The following LUZP2 variants were observed in gnomAD, a reference collection of about 807,000 sequenced individuals.
LUZP2 encodes the protein leucine zipper protein 2.
In LUZP2, 52 loss-of-function variants were observed where a neutral mutation model predicts 51.6. That is an observed-to-expected ratio of 1.01 (90% CI 0.81 to 1.27). LUZP2 has a LOEUF of 1.27. LUZP2 is among the 50% of genes most tolerant of loss of function. LUZP2 has a pLI of 0.00. For synonymous variants in LUZP2, 154 were observed against 137.3 expected, an observed-to-expected ratio of 1.12 and a Z score of -0.85; for missense variants, 436 against 395.4, an observed-to-expected ratio of 1.10 and a Z score of -0.87.
chr11:24,906,004 A>G lies in LUZP2; in HGVS notation c.410A>G (p.Lys137Arg). Reference protein sequence around the residue: ...RDLQNENKSLKNKLLSGNKLC... With the variant: ...RDLQNENKSLRNKLLSGNKLC... Reference sequence around the variant, plus strand: ...TTTCTTCCTCAGAATAAAAGCTTGAAAAACAAACTCTTGTCAGGAAACAAG... The same window carrying G: ...TTTCTTCCTCAGAATAAAAGCTTGAGAAACAAACTCTTGTCAGGAAACAAG... Residue 137 changes from lysine to arginine, a missense_variant, in exon 6 of 12, where the codon AAA becomes AGA. Lys to Arg is a conservative substitution (Grantham distance 26, BLOSUM62 2). Transcript: ENST00000336930. The G allele has an allele frequency of 6.2e-7, 1 of 1,612,896 alleles. No homozygotes were observed. Among genetic ancestry groups the G allele is most frequent in the Non-Finnish European group, 8.5e-7 (1 of 1,179,274 alleles).
intron 1 of LUZP2, among the ~76,000 whole-genome samples, chr11:24,601,075 C>G (rs1853618490): frequency 1.3e-5 from 2 of 151,892 alleles, no homozygotes; most frequent in South Asian, 4.1e-4. Flanking sequence ...CAGACCTTTT[C>G]CTTAGGTGAA....
At chr11:24,797,543 G>A (rs12799525) in intron 5 of LUZP2, among the ~76,000 whole-genome samples, 23,213 of 152,150 alleles carry the variant, frequency 0.15, 1,955 homozygotes, top group Middle Eastern at 0.25. Flanking sequence ...GAGAGCAAAT[G>A]AGTATCAAAG....
At chr11:24,503,187 C>T (rs1230189125) in intron 1 of LUZP2, among the ~76,000 whole-genome samples, 1 of 152,132 alleles carries the variant, frequency 6.6e-6, no homozygotes, top group African/African-American at 2.4e-5. Context: ...CATACATTAT[C>T]ATAAACTTTT....
intron 9 of LUZP2, among the ~76,000 whole-genome samples, chr11:24,987,970 G>A (rs12788058): frequency 0.4 from 60,186 of 151,636 alleles, 14,373 homozygotes; most frequent in East Asian, 0.78. Context: ...AGTTTTGGAG[G>A]TTATTCAAAA....
At chr11:24,513,326 A>G (rs1036659631) in intron 1 of LUZP2, among the ~76,000 whole-genome samples, 3 of 152,192 alleles carry the variant, frequency 2.0e-5, no homozygotes, top group African/African-American at 7.2e-5. Context: ...TCTATATTTG[A>G]AAGAAAAGCT....
intron 5 of LUZP2, among the ~76,000 whole-genome samples, chr11:24,873,537 A>T (rs1338053188): frequency 3.3e-5 from 5 of 152,100 alleles, no homozygotes; most frequent in Non-Finnish European, 7.4e-5. Flanking sequence ...GACTTCAGAT[A>T]TTATTTGATT....
chr11:24,564,677 G>C (rs1410004974), intron 1 of LUZP2, among the ~76,000 whole-genome samples: 2 of 152,116 alleles, frequency 1.3e-5, no homozygotes, highest in Non-Finnish European at 2.9e-5. Flanking sequence ...TAAAGTGTTT[G>C]AGGGGAACAA....
At chr11:24,697,970 C>T (rs759488303) in intron 1 of LUZP2, among the ~76,000 whole-genome samples, 3 of 152,080 alleles carry the variant, frequency 2.0e-5, no homozygotes, top group South Asian at 2.1e-4. Flanking sequence ...GCACAAAGAC[C>T]GTTCTGATGT....
At chr11:24,546,800 G>A (rs957720361) in intron 1 of LUZP2, among the ~76,000 whole-genome samples, 9 of 152,040 alleles carry the variant, frequency 5.9e-5, no homozygotes, top group African/African-American at 2.2e-4. Context: ...ATGAGTTAGA[G>A]AGGAGTCCTT....
intron 1 of LUZP2, among the ~76,000 whole-genome samples, chr11:24,542,923 C>CA (rs758963026): frequency 1.6e-4 from 21 of 127,922 alleles, no homozygotes; most frequent in East Asian, 4.2e-4. Flanking sequence ...CACACACACA[C>CA]AGAAAAAAAA....
intron 1 of LUZP2, among the ~76,000 whole-genome samples, chr11:24,579,677 A>T (rs1304684435): frequency 1.3e-5 from 2 of 152,118 alleles, no homozygotes; most frequent in Non-Finnish European, 2.9e-5. Flanking sequence ...ATTGGTTCAT[A>T]TAATACATTG....
chr11:24,629,517 T>C (rs1311695191), intron 1 of LUZP2, among the ~76,000 whole-genome samples: 1 of 145,376 alleles, frequency 6.9e-6, no homozygotes, highest in East Asian at 2.0e-4. Flanking sequence ...ATATATTATA[T>C]ATATTCCATT....
chr11:25,002,031 T>A (rs1039859341), intron 9 of LUZP2, among the ~76,000 whole-genome samples: 2 of 152,130 alleles, frequency 1.3e-5, no homozygotes, highest in African/African-American at 4.8e-5. Flanking sequence ...TTAATGGGGG[T>A]TCCCCCAGAG....
At chr11:24,608,621 G>T (rs574889095) in intron 1 of LUZP2, among the ~76,000 whole-genome samples, 1 of 152,248 alleles carries the variant, frequency 6.6e-6, no homozygotes, top group South Asian at 2.1e-4. Flanking sequence ...AGTTGTGATT[G>T]TAAGTTTAGT....
chr11:24,499,161 A>G (rs113827099), intron 1 of LUZP2, among the ~76,000 whole-genome samples: 25 of 152,210 alleles, frequency 1.6e-4, no homozygotes, highest in Non-Finnish European at 3.1e-4. Context: ...TGCTTGTGGT[A>G]TGTGAAAACT....
At chr11:24,777,456 T>C (rs934396119) in intron 5 of LUZP2, among the ~76,000 whole-genome samples, 5 of 152,082 alleles carry the variant, frequency 3.3e-5, no homozygotes, top group African/African-American at 9.7e-5. Flanking sequence ...AAGAAACAAA[T>C]TCAAATAATA....
intron 5 of LUZP2, among the ~76,000 whole-genome samples, chr11:24,774,361 T>TCC (rs1848844649): frequency 1.2e-5 from 1 of 84,940 alleles, no homozygotes; most frequent in Non-Finnish European, 2.3e-5. Context: ...TCTCTCTCTC[T>TCC]CTATATATAT....
chr11:24,824,180 A>T (rs181669689), intron 5 of LUZP2, among the ~76,000 whole-genome samples: 100 of 151,636 alleles, frequency 6.6e-4, no homozygotes, highest in African/African-American at 2.4e-3. Context: ...CCTGACCAAC[A>T]TGGAGAAATC....
chr11:24,862,242 T>C (rs1329803227), intron 5 of LUZP2, among the ~76,000 whole-genome samples: 5 of 152,102 alleles, frequency 3.3e-5, no homozygotes, highest in Non-Finnish European at 1.5e-5. Context: ...GGGACCAAAA[T>C]TCAGCATTCT....
Sources: allele counts gnomAD v4.1 joint callset (sites outside exome capture counted in the v4.1 genomes callset), GRCh38; gene constraint gnomAD v4.1.1; transcripts MANE v1.5; gene names NCBI Gene and HGNC (gene_info 2026-07-23, HGNC 2026-07-21).